PALM2AKAP2: variants seen among roughly 807,000 people sequenced by gnomAD.
PALM2AKAP2 encodes PALM2-AKAP2 fusion protein.
A neutral mutation model predicts 71.5 loss-of-function variants in PALM2AKAP2; 37 were observed. The observed-to-expected ratio is 0.52, with a 90% CI of 0.40 to 0.68. PALM2AKAP2 has a LOEUF of 0.68. PALM2AKAP2 is among the 30% of genes least tolerant of loss of function. PALM2AKAP2 has a pLI of 0.00. For missense variants in PALM2AKAP2, 1,224 were observed against 1,191.8 expected (o/e 1.03, Z -0.40); for synonymous variants, 468 against 478.8 (o/e 0.98, Z 0.29).
At chr9:109,839,263 A>G (rs2131576024) in intron 1 of PALM2AKAP2, among the ~76,000 whole-genome samples, 1 of 152,366 alleles carries the variant, frequency 6.6e-6, no homozygotes, top group East Asian at 1.9e-4. Flanking sequence ...TCCAGCATAT[A>G]AACAGAACCA....
intron 1 of PALM2AKAP2, among the ~76,000 whole-genome samples, chr9:109,656,094 A>C (rs1827302214): frequency 1.3e-5 from 2 of 152,216 alleles, no homozygotes; most frequent in Admixed American, 6.5e-5. Flanking sequence ...TCCTACCAGA[A>C]AAAGAAAATT....
At chr9:110,116,112 A>C (rs1835355854) in intron 1 of PALM2AKAP2, among the ~76,000 whole-genome samples, 1 of 152,136 alleles carries the variant, frequency 6.6e-6, no homozygotes, top group South Asian at 2.1e-4. Context: ...GCTCCACCGG[A>C]TGGATAGGAA....
chr9:109,922,167 C>G (rs1342258679), intron 3 of PALM2AKAP2, among the ~76,000 whole-genome samples: 1 of 151,944 alleles, frequency 6.6e-6, no homozygotes, highest in Admixed American at 6.6e-5. Flanking sequence ...CGCCTGTAGT[C>G]TCAGCACTTT....
At chr9:110,062,841 G>T (rs1049562611) in intron 1 of PALM2AKAP2, among the ~76,000 whole-genome samples, 1 of 152,162 alleles carries the variant, frequency 6.6e-6, no homozygotes, top group Non-Finnish European at 1.5e-5. Flanking sequence ...ACTGGGTCAC[G>T]CAAACCTGCC....
At chr9:110,138,240 C>G in exon 2 of PALM2AKAP2, 1 of 1,614,128 alleles carries the variant, frequency 6.2e-7, no homozygotes, top group Non-Finnish European at 8.5e-7. Context: ...CCCAGTGGCC[C>G]GATTAACATG....
At chr9:109,982,071 G>C (rs914231040) in intron 6 of PALM2AKAP2, among the ~76,000 whole-genome samples, 1 of 152,174 alleles carries the variant, frequency 6.6e-6, no homozygotes, top group Non-Finnish European at 1.5e-5. Context: ...CAGATGAATG[G>C]ATAAAGAAAA....
intron 1 of PALM2AKAP2, among the ~76,000 whole-genome samples, chr9:109,769,041 A>G (rs974660108): frequency 2.6e-5 from 4 of 152,184 alleles, no homozygotes; most frequent in Non-Finnish European, 2.9e-5. Flanking sequence ...ATTTAAAAAG[A>G]CTGTTGGAAA....
At chr9:109,914,808 T>G (rs1830647275) in intron 3 of PALM2AKAP2, among the ~76,000 whole-genome samples, 1 of 152,206 alleles carries the variant, frequency 6.6e-6, no homozygotes, top group Non-Finnish European at 1.5e-5. Context: ...TCATAAAGGC[T>G]CAGCCCATCG....
intron 6 of PALM2AKAP2, among the ~76,000 whole-genome samples, chr9:110,001,688 A>C (rs1308400630): frequency 1.3e-5 from 2 of 152,060 alleles, no homozygotes; most frequent in East Asian, 1.9e-4. Flanking sequence ...CTTTGATTTC[A>C]TTGAGCAGTG....
chr9:109,698,843 G>C (rs1039810969), intron 1 of PALM2AKAP2, among the ~76,000 whole-genome samples: 8 of 152,196 alleles, frequency 5.3e-5, no homozygotes, highest in African/African-American at 1.7e-4. Flanking sequence ...AGTGAATATA[G>C]TATCTAGCCT....
chr9:109,735,504 C>G (rs1828616763), intron 1 of PALM2AKAP2, among the ~76,000 whole-genome samples: 1 of 152,194 alleles, frequency 6.6e-6, no homozygotes, highest in Non-Finnish European at 1.5e-5. Flanking sequence ...AGTCCAGTAA[C>G]TTTAATCTTC....
At chr9:110,136,888 G>T (rs951604851) in exon 2 of PALM2AKAP2, 3 of 1,614,088 alleles carry the variant, frequency 1.9e-6, no homozygotes, top group Admixed American at 1.7e-5. Context: ...AGATGCTGGA[G>T]CTGGAAAAGG....
chr9:109,663,755 T>G (rs962159286), intron 1 of PALM2AKAP2, among the ~76,000 whole-genome samples: 12 of 152,200 alleles, frequency 7.9e-5, no homozygotes, highest in African/African-American at 2.9e-4. Context: ...TAACCTTCCA[T>G]CTCATTGATC....
chr9:109,673,558 G>A (rs895335891), intron 1 of PALM2AKAP2, among the ~76,000 whole-genome samples: 3 of 151,890 alleles, frequency 2.0e-5, no homozygotes, highest in South Asian at 2.1e-4. Context: ...GGCAATGAGA[G>A]GAATATATAT....
intron 1 of PALM2AKAP2, among the ~76,000 whole-genome samples, chr9:110,121,550 A>G (rs1429716595): frequency 6.6e-6 from 1 of 152,166 alleles, no homozygotes; most frequent in African/African-American, 2.4e-5. Context: ...AATTCCAGGC[A>G]ATGGGCTGGC....
intron 1 of PALM2AKAP2, among the ~76,000 whole-genome samples, chr9:109,666,751 C>T (rs1827491291): frequency 6.6e-6 from 1 of 152,092 alleles, no homozygotes; most frequent in South Asian, 2.1e-4. Flanking sequence ...AATGAATAAC[C>T]AAGCTGGATT....
chr9:109,942,961 G>A (rs752388750), intron 6 of PALM2AKAP2: 1 of 1,614,186 alleles, frequency 6.2e-7, no homozygotes, highest in Non-Finnish European at 8.5e-7. Context: ...TGTGATTGCA[G>A]ATGGGAGCCT....
chr9:110,061,624 T>A (rs1302305786), intron 1 of PALM2AKAP2, among the ~76,000 whole-genome samples: 1 of 148,050 alleles, frequency 6.8e-6, no homozygotes, highest in Admixed American at 6.8e-5. Flanking sequence ...ATATATAAAA[T>A]ATATATATTT....
intron 1 of PALM2AKAP2, among the ~76,000 whole-genome samples, chr9:109,761,803 T>TTGCTATTG (rs1490139213): frequency 1.3e-5 from 2 of 152,232 alleles, no homozygotes; most frequent in East Asian, 3.8e-4. Flanking sequence ...TTCCAAGTCT[T>TTGCTATTG]TGCTATTGTA....
Sources: gnomAD v4.1 joint callset for allele counts (sites outside exome capture counted in the v4.1 genomes callset) on GRCh38, gnomAD v4.1.1 for gene constraint, MANE v1.5 for transcripts, NCBI Gene and HGNC (gene_info 2026-07-23, HGNC 2026-07-21) for gene names.